SEPTIN14: variants seen among roughly 807,000 people sequenced by gnomAD.
SEPTIN14 encodes the protein septin-14.
In SEPTIN14, 40 loss-of-function variants were observed where a neutral mutation model predicts 53.6. That is an observed-to-expected ratio of 0.75 (90% CI 0.58 to 0.97). The LOEUF is 0.97. Among genes scored for constraint, SEPTIN14 ranks in the 50% least tolerant of loss-of-function variants. The pLI is 0.00. For synonymous variants in SEPTIN14, 138 were observed against 166.8 expected, an observed-to-expected ratio of 0.83 and a Z score of 1.33; for missense variants, 471 against 508.2, an observed-to-expected ratio of 0.93 and a Z score of 0.70.
chr7:55,796,482 T>G (rs2115941295), intron 9 of SEPTIN14, among the ~76,000 whole-genome samples: 1 of 152,004 alleles, frequency 6.6e-6, no homozygotes, highest in South Asian at 2.1e-4. Flanking sequence ...AGGCTGGTCT[T>G]GAACTCCTAA....
chr7:55,823,625 G>A (rs1391547085), intron 6 of SEPTIN14, among the ~76,000 whole-genome samples: 1 of 152,172 alleles, frequency 6.6e-6, no homozygotes, highest in African/African-American at 2.4e-5. Flanking sequence ...GCCCAAGCAA[G>A]GCCCAGGTGG....
intron 5 of SEPTIN14, among the ~76,000 whole-genome samples, chr7:55,835,906 T>C (rs1446318692): frequency 6.6e-6 from 1 of 151,750 alleles, no homozygotes; most frequent in Non-Finnish European, 1.5e-5. Flanking sequence ...CCATACCCGG[T>C]TGATTTTTGC....
chr7:55,818,324 T>A (rs1461608390), intron 7 of SEPTIN14, among the ~76,000 whole-genome samples: 1 of 151,820 alleles, frequency 6.6e-6, no homozygotes, highest in Non-Finnish European at 1.5e-5. Flanking sequence ...ATACAAAAAT[T>A]AGCCCGGTGT....
intron 2 of SEPTIN14, among the ~76,000 whole-genome samples, chr7:55,851,147 G>A (rs1435933291): frequency 6.6e-6 from 1 of 152,022 alleles, no homozygotes; most frequent in Non-Finnish European, 1.5e-5. Context: ...TAATCAGCTA[G>A]CTTTATTGAG....
chr7:55,813,529 G>A (rs886151873), intron 7 of SEPTIN14, among the ~76,000 whole-genome samples: 3 of 151,958 alleles, frequency 2.0e-5, no homozygotes, highest in South Asian at 4.1e-4. Flanking sequence ...ACTCCAGGCA[G>A]TGCAGCCCGA....
chr7:55,827,483 C>G (rs6976079), intron 6 of SEPTIN14, among the ~76,000 whole-genome samples: 108,285 of 152,090 alleles, frequency 0.71, 38,955 homozygotes, highest in African/African-American at 0.82. Flanking sequence ...TAGGGAAACA[C>G]ATCATGTTCC....
intron 5 of SEPTIN14, among the ~76,000 whole-genome samples, chr7:55,838,188 T>C (rs1271104900): frequency 1.3e-5 from 2 of 152,166 alleles, no homozygotes; most frequent in African/African-American, 2.4e-5. Flanking sequence ...AAGCAGCCTA[T>C]TGAAAGGAAG....
At chr7:55,831,717 T>C (rs1342132308) in intron 6 of SEPTIN14, among the ~76,000 whole-genome samples, 1 of 152,132 alleles carries the variant, frequency 6.6e-6, no homozygotes, top group African/African-American at 2.4e-5. Context: ...AAACTTTGCA[T>C]CTGACAAAGA....
At chr7:55,802,692 AT>A (rs1788542458) in intron 9 of SEPTIN14, among the ~76,000 whole-genome samples, 2 of 152,096 alleles carry the variant, frequency 1.3e-5, no homozygotes, top group South Asian at 2.1e-4. Context: ...TCTGACAATG[AT>A]TTTTTTGGAT....
At chr7:55,809,309 C>CTTTTTT (rs780613537) in intron 7 of SEPTIN14, among the ~76,000 whole-genome samples, 1 of 88,648 alleles carries the variant, frequency 1.1e-5, no homozygotes, top group African/African-American at 4.6e-5. Flanking sequence ...ACTATGCTTA[C>CTTTTTT]TTTTTTTTTT....
chr7:55,854,619 T>C (rs539895446), intron 2 of SEPTIN14, among the ~76,000 whole-genome samples: 69 of 148,010 alleles, frequency 4.7e-4, no homozygotes, highest in African/African-American at 1.7e-3. Context: ...TTAGTAGAGA[T>C]GGGTTTCACC....
chr7:55,844,298 A>G (rs1044985593), intron 4 of SEPTIN14, among the ~76,000 whole-genome samples: 11 of 152,302 alleles, frequency 7.2e-5, no homozygotes, highest in South Asian at 4.1e-4. Context: ...GCTAAAACTA[A>G]TAGAAGCTAT....
intron 7 of SEPTIN14, chr7:55,810,927 C>G (rs982254343): frequency 5.3e-6 from 2 of 379,110 alleles, no homozygotes; most frequent in African/African-American, 4.2e-5. Context: ...AGTGATAGCA[C>G]AGCTTGACCT....
intron 7 of SEPTIN14, among the ~76,000 whole-genome samples, chr7:55,815,538 T>C (rs1306753729): frequency 6.6e-6 from 1 of 152,184 alleles, no homozygotes; most frequent in Admixed American, 6.5e-5. Flanking sequence ...TGTTTTAACA[T>C]GTGTGAAGTA....
intron 7 of SEPTIN14, among the ~76,000 whole-genome samples, chr7:55,810,475 C>CTTTTT (rs145847718): frequency 8.0e-6 from 1 of 124,898 alleles, no homozygotes; most frequent in Non-Finnish European, 1.6e-5. Context: ...TTTTGAAGTT[C>CTTTTT]TTTTTTTTTT....
At chr7:55,849,518 G>A (rs1258636344) in intron 2 of SEPTIN14, among the ~76,000 whole-genome samples, 2 of 151,976 alleles carry the variant, frequency 1.3e-5, no homozygotes, top group African/African-American at 4.8e-5. Flanking sequence ...GGCTGAGGCA[G>A]GGAGATCACC....
intron 6 of SEPTIN14, among the ~76,000 whole-genome samples, chr7:55,831,249 G>A (rs1789105201): frequency 6.6e-6 from 1 of 151,994 alleles, no homozygotes; most frequent in Non-Finnish European, 1.5e-5. Context: ...TCCATTGCTA[G>A]GAAGGATACA....
At chr7:55,819,319 G>C in intron 6 of SEPTIN14, 96 bp from the exon 7 acceptor site, 1 of 907,146 alleles carries the variant, frequency 1.1e-6, no homozygotes, top group Non-Finnish European at 1.7e-6. Context: ...GGCCAGCGCG[G>C]TGGCTCATGC....
chr7:55,830,816 G>C (rs1789097629), intron 6 of SEPTIN14, among the ~76,000 whole-genome samples: 1 of 152,008 alleles, frequency 6.6e-6, no homozygotes, highest in South Asian at 2.1e-4. Context: ...TAATGAAATT[G>C]ACTCACTAAT....
Sources: gnomAD v4.1 joint callset for allele counts (sites outside exome capture counted in the v4.1 genomes callset) on GRCh38, gnomAD v4.1.1 for gene constraint, MANE v1.5 for transcripts, NCBI Gene and HGNC (gene_info 2026-07-23, HGNC 2026-07-21) for gene names.